Variants in BCR observed in about 807,000 individuals in gnomAD.
BCR encodes breakpoint cluster region protein.
BCR carries 58 observed loss-of-function variants against 138.6 expected under a neutral mutation model. That is an observed-to-expected ratio of 0.42 (90% confidence interval 0.34 to 0.52). The LOEUF is 0.52. Ranked by LOEUF, BCR falls within the 20% of genes least tolerant of loss-of-function variation. The probability of loss-of-function intolerance (pLI) is 0.06; values close to 1 mark genes in which losing one functional copy is unlikely to be tolerated. For synonymous variants in BCR, 786 were observed against 730.1 expected, an observed-to-expected ratio of 1.08 and a Z score of -1.23; for missense variants, 1,599 against 1,727.2, an observed-to-expected ratio of 0.93 and a Z score of 1.32.
chr22:23,196,868 C>G (rs910609143), intron 1 of BCR, among the ~76,000 whole-genome samples: 3 of 152,222 alleles, frequency 2.0e-5, no homozygotes, highest in Non-Finnish European at 4.4e-5. Flanking sequence ...CCGCTCACCT[C>G]CAGCTCTGCG....
At chr22:23,241,500 C>G (rs1156629981) in intron 1 of BCR, among the ~76,000 whole-genome samples, 1 of 152,108 alleles carries the variant, frequency 6.6e-6, no homozygotes. Flanking sequence ...TGCTCCCACA[C>G]CAGGGCACTG....
intron 16 of BCR, 117 bp from the exon 17 acceptor site, chr22:23,309,307 C>T (rs1202308469): frequency 1.2e-5 from 11 of 926,516 alleles, no homozygotes; most frequent in Middle Eastern, 3.2e-4. Context: ...AGGTGCTGGC[C>T]GCAGTCGGGC....
intron 17 of BCR, chr22:23,310,057 A>T (rs2073990490): frequency 2.1e-6 from 1 of 473,086 alleles, no homozygotes; most frequent in South Asian, 2.1e-5. Flanking sequence ...GCAAGCTCCT[A>T]TATCTAAAAA....
intron 1 of BCR, among the ~76,000 whole-genome samples, chr22:23,214,998 C>T (rs2072735189): frequency 6.6e-6 from 1 of 152,156 alleles, no homozygotes; most frequent in Non-Finnish European, 1.5e-5. Flanking sequence ...CTACTCCCTC[C>T]TCCCTCAGCC....
Position 23,311,790 on chromosome 22 carries a change from C to A in BCR, c.3276C>A (p.Ser1092=), listed in dbSNP as rs756709730. ...AGGAGGTGGGCATCTACCGCGTGTCCGGTGTGGCCACGGACATCCAGGCAC... is the reference window on the plus strand; with the variant it reads ...AGGAGGTGGGCATCTACCGCGTGTCAGGTGTGGCCACGGACATCCAGGCAC... ...GMEEVGIYRV[S]GVATDIQALK... Residue 1092 remains serine (S), a synonymous_variant, in exon 19 of 23, where the codon TCC becomes TCA. Coordinates refer to ENST00000305877, the MANE Select transcript of BCR (RefSeq NM_004327.4). The A allele has an allele frequency of 6.2e-7, 1 of 1,611,768 alleles. No individual in the cohort carries two copies. The highest frequency in any genetic ancestry group is 8.5e-7 in the Non-Finnish European group (1 of 1,179,846).
intron 4 of BCR, among the ~76,000 whole-genome samples, chr22:23,266,566 T>C (rs1222934243): frequency 6.6e-6 from 1 of 152,060 alleles, no homozygotes; most frequent in Non-Finnish European, 1.5e-5. Flanking sequence ...ATTTTTGTAT[T>C]TTCAGTAGAA....
chr22:23,313,030 T>A lies in BCR; in HGVS notation c.3457+9T>A. On this transcript the variant is annotated intron_variant, in intron 20 of 22. Coordinates refer to ENST00000305877, the MANE Select transcript of BCR (RefSeq NM_004327.4). The stretch of plus-strand genomic sequence containing the variant: ...CTTCGCAGAGGGCATCGGTGAGCAC[T>A]GGAGGCCTTGGCCTCATGGGAGACG... 1 of 1,559,298 alleles carries A rather than the reference T, an allele frequency of 6.4e-7. No individual in the cohort carries two copies. The highest frequency in any genetic ancestry group is 8.6e-7 in the Non-Finnish European group (1 of 1,157,546).
intron 14 of BCR, 37 bp downstream of exon 14, chr22:23,290,450 G>A (rs1362207924): frequency 7.5e-6 from 12 of 1,591,056 alleles, no homozygotes; most frequent in South Asian, 4.4e-5. Context: ...TGCAGCGGCC[G>A]AGCCAGGGTC....
At chr22:23,276,166 G>A (rs9608095) in intron 8 of BCR, among the ~76,000 whole-genome samples, 34,930 of 151,992 alleles carry the variant, frequency 0.23, 4,363 homozygotes, top group Middle Eastern at 0.3. Context: ...TTGGGAGGCC[G>A]AGGCAGGCGG....
intron 8 of BCR, among the ~76,000 whole-genome samples, chr22:23,278,633 A>C (rs1472375691): frequency 6.6e-6 from 1 of 151,894 alleles, no homozygotes; most frequent in Non-Finnish European, 1.5e-5. Context: ...AGGCGGAGGC[A>C]GGAGAATTGC....
Position 23,268,646 on chromosome 22 carries a change from T to A in BCR, c.1860+131T>A, listed in dbSNP as rs2073473673. 13 of 845,228 alleles carry A rather than the reference T, an allele frequency of 1.5e-5. No homozygotes were observed. In the East Asian group the frequency reaches 3.5e-4, roughly 23 times the overall value. 52.4% of individuals were successfully genotyped at this position (845,228 alleles called of 1,614,324 possible). A position where few individuals can be genotyped will look rare whatever the true frequency, so the allele number is the denominator to read the frequency against. On this transcript the variant is annotated intron_variant, in intron 5 of 22. Coordinates refer to ENST00000305877, the MANE Select transcript of BCR (RefSeq NM_004327.4). ...CCAGCTGTTTCCAGATTCTGTTGGG[T>A]TCGTTGCGTCAGCCCTGTGCTGGGG...
intron 5 of BCR, among the ~76,000 whole-genome samples, chr22:23,268,968 C>T (rs1187141709): frequency 6.6e-6 from 1 of 152,238 alleles, no homozygotes; most frequent in Non-Finnish European, 1.5e-5. Context: ...GGCGAGGGCT[C>T]ATGGCACCTG....
At chr22:23,232,773 G>T (rs568708286) in intron 1 of BCR, among the ~76,000 whole-genome samples, 1 of 152,174 alleles carries the variant, frequency 6.6e-6, no homozygotes, top group South Asian at 2.1e-4. Context: ...CTGCCGTGTC[G>T]CATTCATGTA....
intron 1 of BCR, chr22:23,198,345 A>G: frequency 2.3e-6 from 1 of 443,214 alleles, no homozygotes; most frequent in Non-Finnish European, 4.4e-6. Context: ...GGTGGGCTGG[A>G]GTCCCAGGGG....
intron 2 of BCR, chr22:23,254,446 A>G: frequency 1.9e-6 from 1 of 516,530 alleles, no homozygotes; most frequent in Non-Finnish European, 3.9e-6. Context: ...CCTTTCTGTC[A>G]CTTCCACTTT....
intron 1 of BCR, among the ~76,000 whole-genome samples, chr22:23,249,356 C>G (rs889602490): frequency 6.6e-6 from 1 of 150,842 alleles, no homozygotes; most frequent in East Asian, 2.0e-4. Context: ...GGCGTGAACC[C>G]GGAAGGTGGA....
chr22:23,243,130 C>T (rs1427622868), intron 1 of BCR: 2 of 246,594 alleles, frequency 8.1e-6, no homozygotes, highest in African/African-American at 2.3e-5. Flanking sequence ...ATTTCCTGAA[C>T]GATGGGGTGA....
intron 1 of BCR, among the ~76,000 whole-genome samples, chr22:23,202,508 A>G (rs2072564283): frequency 1.3e-5 from 2 of 152,172 alleles, no homozygotes; most frequent in African/African-American, 4.8e-5. Flanking sequence ...CACCCATTAA[A>G]GAACAGTGCT....
At chr22:23,280,907 A>G (rs2073636236) in intron 8 of BCR, among the ~76,000 whole-genome samples, 1 of 152,200 alleles carries the variant, frequency 6.6e-6, no homozygotes, top group African/African-American at 2.4e-5. Flanking sequence ...ACACGGGGTT[A>G]CTTGCACCAG....
Sources: allele counts gnomAD v4.1 joint callset (sites outside exome capture counted in the v4.1 genomes callset), GRCh38; gene constraint gnomAD v4.1.1; transcripts MANE v1.5; gene names NCBI Gene and HGNC (gene_info 2026-07-23, HGNC 2026-07-21).